The following PHF21A variants were observed in gnomAD, a reference collection of about 807,000 sequenced individuals.
PHF21A encodes the protein BHC80a.
PHF21A carries 11 observed loss-of-function variants against 82.5 expected under a neutral mutation model. The ratio of observed to expected loss-of-function variants is 0.13; its 90% CI spans 0.08 to 0.22. The LOEUF (loss-of-function observed/expected upper bound fraction) is 0.22. Among genes scored for constraint, PHF21A ranks in the 10% least tolerant of loss-of-function variants. The probability of loss-of-function intolerance (pLI) is 1.00; values close to 1 mark genes in which losing one functional copy is unlikely to be tolerated. For synonymous variants in PHF21A, 297 were observed against 302.8 expected (o/e 0.98, Z 0.20); for missense variants, 579 against 837.8 (o/e 0.69, Z 3.81).
chr11:45,981,598 A>C (rs970199658), intron 6 of PHF21A, among the ~76,000 whole-genome samples: 25 of 151,952 alleles, frequency 1.6e-4, no homozygotes, highest in African/African-American at 6.0e-4. Flanking sequence ...TATCTCATAC[A>C]CTTTCAAGTT....
intron 6 of PHF21A, among the ~76,000 whole-genome samples, chr11:46,020,951 G>T (rs1345785398): frequency 1.3e-5 from 2 of 151,830 alleles, no homozygotes; most frequent in Non-Finnish European, 2.9e-5. Context: ...TAAGTCGAAA[G>T]TGCATTTTCC....
intron 1 of PHF21A, among the ~76,000 whole-genome samples, chr11:46,112,851 T>C (rs1014865288): frequency 1.3e-5 from 2 of 152,232 alleles, no homozygotes; most frequent in Non-Finnish European, 2.9e-5. Context: ...TAAAGAGACC[T>C]GTATCGCCAC....
At chr11:46,094,373 A>G (rs535333965) in intron 1 of PHF21A, among the ~76,000 whole-genome samples, 5 of 152,340 alleles carry the variant, frequency 3.3e-5, no homozygotes, top group African/African-American at 1.2e-4. Context: ...GGAAAAGTTA[A>G]GTGATTTCCC....
chr11:45,938,418 C>CT, intron 15 of PHF21A, 106 bp from the exon 16 acceptor site: 4 of 882,506 alleles, frequency 4.5e-6, no homozygotes, highest in Non-Finnish European at 7.0e-6. Flanking sequence ...AATCAGCTGC[C>CT]TCGTTCCAGG....
chr11:45,997,588 C>T (rs549034699), intron 6 of PHF21A, among the ~76,000 whole-genome samples: 6 of 152,258 alleles, frequency 3.9e-5, no homozygotes, highest in South Asian at 2.1e-4. Flanking sequence ...TTTTCATTTC[C>T]CAATGAATAG....
intron 13 of PHF21A, among the ~76,000 whole-genome samples, chr11:45,949,197 T>C (rs1167805550): frequency 6.6e-6 from 1 of 152,168 alleles, no homozygotes; most frequent in Non-Finnish European, 1.5e-5. Context: ...AAGGTAGGCA[T>C]GTATCTGCTG....
intron 9 of PHF21A, 95 bp from the exon 10 acceptor site, chr11:45,965,703 A>C: frequency 1.2e-5 from 11 of 911,632 alleles, no homozygotes; most frequent in Non-Finnish European, 1.8e-5. Context: ...AATGGTGTTT[A>C]ATACACTTAT....
intron 3 of PHF21A, among the ~76,000 whole-genome samples, chr11:46,089,872 G>A (rs931658653): frequency 1.3e-5 from 2 of 151,506 alleles, no homozygotes; most frequent in African/African-American, 4.9e-5. Context: ...CCACTGCAAC[G>A]TGCAGGCTAT....
At chr11:46,068,401 T>G (rs1267392927) in intron 6 of PHF21A, among the ~76,000 whole-genome samples, 1 of 152,188 alleles carries the variant, frequency 6.6e-6, no homozygotes, top group Non-Finnish European at 1.5e-5. Flanking sequence ...ATGCACATTA[T>G]TTGAAAGCAC....
rs984525128 is a variant in PHF21A at position 45,979,970 on chromosome 11, C to T, written c.154-4G>A. On this transcript the variant is annotated splice_polypyrimidine_tract_variant and splice_region_variant and intron_variant, in intron 6 of 18. Coordinates refer to ENST00000676320, the MANE Select transcript of PHF21A (RefSeq NM_001352027.3). ...GTAGCTGTTCAACTACTCTTTTCTA[C>T]CAAATGAAGACAAAAAGAAATAAAA... 2.5e-6 allele frequency: 4 copies of T among 1,613,838 alleles called. No homozygotes were observed. Among genetic ancestry groups the T allele is most frequent in the Non-Finnish European group, 3.4e-6 (4 of 1,179,900 alleles).
chr11:46,087,004 G>A (rs2096864923), intron 3 of PHF21A, among the ~76,000 whole-genome samples: 2 of 152,128 alleles, frequency 1.3e-5, no homozygotes, highest in Admixed American at 1.3e-4. Flanking sequence ...TATATGCTTT[G>A]TCTATCAAAC....
chr11:46,000,498 AC>A, intron 6 of PHF21A, among the ~76,000 whole-genome samples: 1 of 141,558 alleles, frequency 7.1e-6, no homozygotes, highest in South Asian at 2.2e-4. Context: ...ATAATTTTAA[AC>A]AGCTTTAAAG....
At chr11:46,114,228 A>G (rs1363867703) in intron 1 of PHF21A, among the ~76,000 whole-genome samples, 1 of 152,202 alleles carries the variant, frequency 6.6e-6, no homozygotes, top group African/African-American at 2.4e-5. Flanking sequence ...TTAAGCTATC[A>G]GTAACACGTC....
Position 45,958,264 on chromosome 11 carries a change from T to C in PHF21A, c.997-4639A>G, listed in dbSNP as rs1375585688. Among the ~76,000 whole-genome samples, 3 of 150,426 alleles carry C rather than the reference T, an allele frequency of 2.0e-5. No individual in the cohort carries two copies. The East Asian group carries it at 5.8e-4, about 29-fold the overall frequency. ...TTCTATGAGGCCAGCACTACTCTGA[T>C]ACCAAAGCCAAAGACACCAAAGAAT... On this transcript the variant is annotated intron_variant, in intron 10 of 18. Coordinates refer to ENST00000676320, the MANE Select transcript of PHF21A (RefSeq NM_001352027.3).
chr11:46,015,904 A>ATCTG (rs1239401277), intron 6 of PHF21A, among the ~76,000 whole-genome samples: 2 of 125,050 alleles, frequency 1.6e-5, no homozygotes, highest in African/African-American at 3.3e-5. Flanking sequence ...TCATCTATCT[A>ATCTG]TCTATCTATC....
chr11:45,938,274 T>G lies in PHF21A; in HGVS notation c.1491A>C (p.Lys497Asn). 2 of 1,611,698 alleles carry G rather than the reference T, an allele frequency of 1.2e-6. No individual in the cohort carries two copies. Among genetic ancestry groups the G allele is most frequent in the South Asian group, 2.2e-5 (2 of 90,160 alleles). Reference sequence around the variant, plus strand: ...TGTCGCACATCAGTAACTGGCCACTTTTTCTGCAAACGCTGCAAAAATCCT... The same window carrying G: ...TGTCGCACATCAGTAACTGGCCACTGTTTCTGCAAACGCTGCAAAAATCCT... ...IHEDFCSVCR[K>N]SGQLLMCDTC... is the part of the protein sequence containing the mutation. Residue 497 changes from lysine (K) to asparagine (N), a missense_variant, in exon 16 of 19, where the codon AAA becomes AAC. This residue lies in a region of PHF21A where 410 missense variants were observed against 642.1 expected (regional missense o/e 0.64). Coordinates refer to ENST00000676320, the MANE Select transcript of PHF21A (RefSeq NM_001352027.3).
chr11:46,049,982 C>T (rs1438244362), intron 6 of PHF21A, among the ~76,000 whole-genome samples: 1 of 152,220 alleles, frequency 6.6e-6, no homozygotes, highest in Non-Finnish European at 1.5e-5. Context: ...GGACCATATT[C>T]TATCATATAT....
chr11:46,089,444 T>G (rs2096897393), intron 3 of PHF21A, among the ~76,000 whole-genome samples: 1 of 152,116 alleles, frequency 6.6e-6, no homozygotes, highest in African/African-American at 2.4e-5. Context: ...AAAAACATAA[T>G]GTAATGTCTA....
At chr11:45,953,919 G>A (rs113832407) in intron 10 of PHF21A, among the ~76,000 whole-genome samples, 7 of 152,240 alleles carry the variant, frequency 4.6e-5, no homozygotes, top group Middle Eastern at 3.4e-3. Context: ...ATAGAAATAC[G>A]GTACAGGTTG....
Sources: gnomAD v4.1 joint callset for allele counts (sites outside exome capture counted in the v4.1 genomes callset) on GRCh38, gnomAD v4.1.1 for gene constraint, gnomAD v4.1.1 regional missense constraint, MANE v1.5 for transcripts, NCBI Gene and HGNC (gene_info 2026-07-23, HGNC 2026-07-21) for gene names.